Variants in CUL2 observed in about 807,000 individuals in gnomAD.
CUL2 encodes the protein cullin-2.
A neutral mutation model predicts 110.2 loss-of-function variants in CUL2; 22 were observed. The observed-to-expected ratio is 0.20, with a 90% CI of 0.14 to 0.28. The LOEUF (loss-of-function observed/expected upper bound fraction) is 0.28. CUL2 is among the 10% of genes least tolerant of loss of function. The probability of loss-of-function intolerance (pLI) is 1.00; values close to 1 mark genes in which losing one functional copy is unlikely to be tolerated. For synonymous variants in CUL2, 279 were observed against 293.2 expected (o/e 0.95, Z 0.49); for missense variants, 631 against 905.5 (o/e 0.70, Z 3.89).
chr10:35,057,377 C>T (rs2086263593), intron 4 of CUL2, among the ~76,000 whole-genome samples: 1 of 152,130 alleles, frequency 6.6e-6, no homozygotes, highest in Non-Finnish European at 1.5e-5. Flanking sequence ...AAAGTCATGG[C>T]CAGGCACGGT....
At chr10:35,053,520 T>C (rs1364506085) in intron 5 of CUL2, among the ~76,000 whole-genome samples, 2 of 152,228 alleles carry the variant, frequency 1.3e-5, no homozygotes, top group Non-Finnish European at 2.9e-5. Context: ...TGCTGAAATT[T>C]TACACTGTTC....
upstream of CUL2, among the ~76,000 whole-genome samples, chr10:35,092,646 G>C (rs1190897543): frequency 6.6e-6 from 1 of 152,200 alleles, no homozygotes; most frequent in African/African-American, 2.4e-5. Context: ...ATGATAGTAA[G>C]AGGAATCTGA....
chr10:35,039,419 T>C, intron 8 of CUL2, among the ~76,000 whole-genome samples: 1 of 137,378 alleles, frequency 7.3e-6, no homozygotes, highest in African/African-American at 2.5e-5. Context: ...TCAGAACAGG[T>C]GATCTCTGTT....
At chr10:35,057,810 T>G (rs1296979876) in intron 4 of CUL2, among the ~76,000 whole-genome samples, 2 of 151,524 alleles carry the variant, frequency 1.3e-5, no homozygotes, top group Non-Finnish European at 2.9e-5. Flanking sequence ...AATAAAGACA[T>G]GGGCTGGACG....
chr10:35,076,419 A>G (rs567416617), intron 1 of CUL2, among the ~76,000 whole-genome samples: 2 of 152,208 alleles, frequency 1.3e-5, no homozygotes, highest in African/African-American at 4.8e-5. Context: ...GTATATCTCA[A>G]TAAAGCTGCT....
chr10:35,074,713 T>C (rs781660018), intron 1 of CUL2, among the ~76,000 whole-genome samples: 1 of 152,224 alleles, frequency 6.6e-6, no homozygotes. Context: ...CTCGAACTCC[T>C]GAGGCTCAAG....
chr10:35,072,529 C>T (rs1439434504), intron 1 of CUL2, among the ~76,000 whole-genome samples: 9 of 152,154 alleles, frequency 5.9e-5, no homozygotes, highest in South Asian at 4.1e-4. Flanking sequence ...CCACCATGCC[C>T]GGCTCATTTT....
chr10:35,033,995 C>A (rs943535794), intron 10 of CUL2, among the ~76,000 whole-genome samples: 1 of 152,158 alleles, frequency 6.6e-6, no homozygotes, highest in Non-Finnish European at 1.5e-5. Context: ...AGTTAAAAAG[C>A]CAATAATCCT....
intron 3 of CUL2, among the ~76,000 whole-genome samples, chr10:35,061,627 T>A (rs547652674): frequency 6.6e-6 from 1 of 152,320 alleles, no homozygotes; most frequent in African/African-American, 2.4e-5. Flanking sequence ...TTTAACACAC[T>A]TGCTATCAAA....
At chr10:35,053,465 A>G (rs768329803) in intron 5 of CUL2, among the ~76,000 whole-genome samples, 22 of 152,204 alleles carry the variant, frequency 1.4e-4, no homozygotes, top group Admixed American at 3.9e-4. Flanking sequence ...ATCATATCAT[A>G]TATAATACAT....
At chr10:35,082,840 G>T (rs181018591) in intron 1 of CUL2, among the ~76,000 whole-genome samples, 12 of 152,120 alleles carry the variant, frequency 7.9e-5, no homozygotes, top group African/African-American at 2.7e-4. Flanking sequence ...CATTATTTTG[G>T]TAACTATACA....
chr10:35,124,957 C>T (rs1451583219), intron 1 of CUL2, among the ~76,000 whole-genome samples: 1 of 152,184 alleles, frequency 6.6e-6, no homozygotes, highest in Admixed American at 6.5e-5. Flanking sequence ...TTAACTATCA[C>T]CTAGGTGAGG....
rs1326746175 is a variant in CUL2 at position 35,101,062 on chromosome 10, T to G, written c.-50-2A>C. ...TCAGGAATGGAGAGTGCCTCTATCC[T>G]AGGAGTGAGAAAAGGGAGAGGGAAT... is the stretch of plus-strand genomic sequence containing the variant. On this transcript the variant is annotated splice_acceptor_variant, in intron 1 of 5. Transcript: ENST00000685421. LOFTEE classifies it low-confidence loss of function (5UTR_SPLICE). The G allele has an allele frequency of 6.6e-6, 1 of 152,114 alleles. No individual in the cohort carries two copies. Among genetic ancestry groups the G allele is most frequent in the Non-Finnish European group, 1.5e-5 (1 of 68,052 alleles). The allele number at this position is 152,114 out of a possible 1,614,324, so 9.4% of individuals were successfully genotyped here. A position where few individuals can be genotyped will look rare whatever the true frequency, so the allele number is the denominator to read the frequency against.
intron 2 of CUL2, among the ~76,000 whole-genome samples, chr10:35,066,990 A>G (rs1055298323): frequency 6.6e-6 from 1 of 152,132 alleles, no homozygotes; most frequent in African/African-American, 2.4e-5. Flanking sequence ...CTGATAGAAT[A>G]TAAACTAGAA....
chr10:35,071,281 T>C lies in CUL2; in HGVS notation c.37A>G (p.Thr13Ala). ...LKPRVVDFDE[T>A]WNKLLTTIKA... ...ATTGTCGTCAAAAGTTTGTTCCATG[T>C]TTCATCAAAATCTACTACTCTTGGT... The change falls in exon 2 of 21, where the codon ACA (threonine) becomes GCA (alanine). Residue 13 changes from threonine (T) to alanine (A), a missense_variant. By Grantham distance (58) the Thr-to-Ala change is moderately conservative. This residue lies in a region of CUL2 where 338 missense variants were observed against 442.5 expected (regional missense o/e 0.76). Transcript: ENST00000374749. The C allele has an allele frequency of 6.2e-7, 1 of 1,614,002 alleles. No homozygotes were observed. Among genetic ancestry groups the C allele is most frequent in the Non-Finnish European group, 8.5e-7 (1 of 1,179,818 alleles).
At chr10:35,051,396 A>G (rs914096023) in intron 5 of CUL2, among the ~76,000 whole-genome samples, 8 of 145,652 alleles carry the variant, frequency 5.5e-5, no homozygotes, top group South Asian at 4.5e-4. Context: ...GGCGGATCAC[A>G]AGGTCAGGAG....
At chr10:35,048,122 A>G (rs981680721) in intron 6 of CUL2, among the ~76,000 whole-genome samples, 1 of 152,132 alleles carries the variant, frequency 6.6e-6, no homozygotes, top group African/African-American at 2.4e-5. Context: ...GGGAAGATGG[A>G]TGTAAAATTT....
At chr10:35,063,333 C>T (rs1195414039) in intron 2 of CUL2, among the ~76,000 whole-genome samples, 1 of 151,958 alleles carries the variant, frequency 6.6e-6, no homozygotes, top group South Asian at 2.1e-4. Context: ...GGTTAAAATC[C>T]AGAGGGAGTT....
At chr10:35,117,872 T>C (rs1273825814) in intron 1 of CUL2, among the ~76,000 whole-genome samples, 1 of 152,244 alleles carries the variant, frequency 6.6e-6, no homozygotes, top group African/African-American at 2.4e-5. Context: ...AAACTGTCTT[T>C]GTTTTCTTAA....
Sources: gnomAD v4.1 joint callset for allele counts (sites outside exome capture counted in the v4.1 genomes callset) on GRCh38, gnomAD v4.1.1 for gene constraint, gnomAD v4.1.1 regional missense constraint, MANE v1.5 for transcripts, NCBI Gene and HGNC (gene_info 2026-07-23, HGNC 2026-07-21) for gene names.